Variants in DIP2A observed in about 807,000 individuals in gnomAD.
The protein encoded by DIP2A is DIP2 acetate--CoA ligase A, also known as disco-interacting protein 2 homolog A.
In DIP2A, 85 loss-of-function variants were observed where a neutral mutation model predicts 177.4. The ratio of observed to expected loss-of-function variants is 0.48; its 90% CI spans 0.40 to 0.57. The LOEUF (loss-of-function observed/expected upper bound fraction) is 0.57. Ranked by LOEUF, DIP2A falls within the 20% of genes least tolerant of loss-of-function variation. DIP2A has a pLI of 0.00. For missense variants in DIP2A, 1,791 were observed against 2,100.2 expected (o/e 0.85, Z 2.88); for synonymous variants, 886 against 881.8 (o/e 1.00, Z -0.08).
At chr21:46,577,774 GT>G in the DIP2A span, among the ~76,000 whole-genome samples, 1 of 152,186 alleles carries the variant, frequency 6.6e-6, no homozygotes, top group African/African-American at 2.4e-5. Context: ...AGCATGGAAT[GT>G]TTTTCCATTT....
At chr21:46,478,942 C>T (rs9977528) in intron 1 of DIP2A, among the ~76,000 whole-genome samples, 24,224 of 152,090 alleles carry the variant, frequency 0.16, 2,180 homozygotes, top group African/African-American at 0.21. Flanking sequence ...CATTTGTGAC[C>T]ACAAAGGGCT....
chr21:46,500,736 C>T (rs2057603362), intron 5 of DIP2A, among the ~76,000 whole-genome samples: 1 of 152,248 alleles, frequency 6.6e-6, no homozygotes. Flanking sequence ...CAGCCCTCAA[C>T]TTTCCAGTGA....
rs779288780 is a variant in DIP2A at position 46,556,038 on chromosome 21, C to G, written c.3445C>G (p.Leu1149Val). Residue 1149 changes from leucine (L) to valine (V), a missense_variant, in exon 29 of 38, where the codon CTC becomes GTC. Leu to Val is a conservative substitution (Grantham distance 32). Transcript: ENST00000417564. The surrounding 1 kb of genome is among the most constrained non-coding windows in gnomAD (Gnocchi z 4.5). ...SVFRPPSPDV[L>V]AYLDFSVSTT... ...TTTCAGGCCCCCCTCCCCCGATGTC[C>G]TCGCATACTTGGACTTCAGCGTGTC... The G allele has an allele frequency of 3.1e-6, 5 of 1,614,012 alleles. No homozygotes were observed. The highest frequency in any genetic ancestry group is 4.2e-6 in the Non-Finnish European group (5 of 1,179,890).
chr21:46,481,368 A>G (rs527610255), intron 1 of DIP2A, among the ~76,000 whole-genome samples: 3 of 152,314 alleles, frequency 2.0e-5, no homozygotes, highest in African/African-American at 7.2e-5. Flanking sequence ...TTCACTTGAC[A>G]TCTGGGTTGT....
In DIP2A at chr21:46,547,053, G is replaced by A; in HGVS notation, c.2522+11G>A. 1 of 1,611,912 alleles carries A rather than the reference G, an allele frequency of 6.2e-7. No homozygotes were observed. Among genetic ancestry groups the A allele is most frequent in the Non-Finnish European group, 8.5e-7 (1 of 1,178,164 alleles). The stretch of plus-strand genomic sequence containing the variant: ...TGTCTACAGAGGCAGGTGATGCGCT[G>A]CGGACCCCCACGCCGGGAGTAGATT... On this transcript the variant is annotated intron_variant, in intron 21 of 37. Coordinates refer to ENST00000417564, the MANE Select transcript of DIP2A (RefSeq NM_015151.4).
intron 2 of DIP2A, among the ~76,000 whole-genome samples, chr21:46,485,928 G>A (rs113676887): frequency 2.0e-5 from 3 of 151,660 alleles, no homozygotes; most frequent in Admixed American, 2.0e-4. Context: ...AAAATTCGCC[G>A]GGCATGGTGG....
At chr21:46,484,911 AT>A in intron 2 of DIP2A, 83 bp downstream of exon 2, 3 of 1,362,294 alleles carry the variant, frequency 2.2e-6, no homozygotes, top group Non-Finnish European at 2.9e-6. Flanking sequence ...AGAGTTTAAC[AT>A]TTGTTAGCAA....
At chr21:46,554,757 G>GC in intron 27 of DIP2A, 61 bp downstream of exon 27, 1 of 1,545,242 alleles carries the variant, frequency 6.5e-7, no homozygotes, top group Non-Finnish European at 8.7e-7. Flanking sequence ...GCTGCCCTCC[G>GC]CTGCCCCCTT....
intron 1 of DIP2A, 62 bp downstream of exon 1, chr21:46,459,284 C>T (rs1306721441): frequency 2.1e-6 from 3 of 1,405,598 alleles, no homozygotes; most frequent in Non-Finnish European, 1.9e-6. Context: ...CCGCGCAGCC[C>T]CTCACTCCGG....
chr21:46,518,352 C>G (rs912656458), intron 8 of DIP2A, among the ~76,000 whole-genome samples: 6 of 152,152 alleles, frequency 3.9e-5, no homozygotes, highest in Admixed American at 1.3e-4. Context: ...CACCCTTGGC[C>G]CATCAGTGTG....
chr21:46,490,198 A>G (rs1361351480), intron 2 of DIP2A, among the ~76,000 whole-genome samples: 6 of 152,170 alleles, frequency 3.9e-5, no homozygotes, highest in South Asian at 4.1e-4. Flanking sequence ...GGGTTTACCG[A>G]CACTGTAGAA....
intron 8 of DIP2A, among the ~76,000 whole-genome samples, chr21:46,516,961 A>G (rs1187011773): frequency 6.6e-6 from 1 of 151,628 alleles, no homozygotes; most frequent in Non-Finnish European, 1.5e-5. Context: ...CCTTGAATAC[A>G]CACATTAATT....
intron 8 of DIP2A, among the ~76,000 whole-genome samples, chr21:46,519,610 C>T (rs1488558900): frequency 2.6e-5 from 4 of 152,108 alleles, no homozygotes; most frequent in East Asian, 1.9e-4. Context: ...CCATTCATAA[C>T]GCCAAGAAAA....
At chr21:46,534,440 C>T (rs2148773143) in intron 12 of DIP2A, 145 bp from the exon 13 acceptor site, 3 of 796,040 alleles carry the variant, frequency 3.8e-6, no homozygotes, top group Admixed American at 2.5e-5. Context: ...AGGGTTTTGC[C>T]ATGTACCTGG....
rs751777049 is a variant in DIP2A at position 46,554,632 on chromosome 21, C to A, written c.3212C>A (p.Thr1071Asn). The change falls in exon 27 of 38, where the codon ACC becomes AAC. Residue 1071 changes from threonine (T) to asparagine (N), a missense_variant. Physicochemically the swap from Thr to Asn is moderately conservative, Grantham distance 65. Transcript: ENST00000417564. ...GCLYCGCVPVTVRPPHPQNLG... is the reference protein window; with the variant it reads ...GCLYCGCVPVNVRPPHPQNLG... ...TTGTACTGTGGCTGCGTGCCTGTCA[C>A]CGTGCGGCCCCCGCACCCTCAGAAC... 1.9e-6 allele frequency: 3 copies of A among 1,602,654 alleles called. No homozygotes were observed. In the South Asian group the frequency reaches 3.4e-5, roughly 18 times the overall value.
Position 46,522,385 on chromosome 21 carries a change from A to G in DIP2A, c.1103-6707A>G, listed in dbSNP as rs544697888. ...TGGCTTCAGGGTGGAGCTCTTTGCT[A>G]AACAGGGCTAGGGAAACATGCAGTT... is the stretch of plus-strand genomic sequence containing the variant. On this transcript the variant is annotated intron_variant, in intron 8 of 37. Transcript: ENST00000417564. Among the ~76,000 whole-genome samples, 7 of 152,344 alleles carry G rather than the reference A, an allele frequency of 4.6e-5. No individual in the cohort carries two copies. The South Asian group carries it at 1.2e-3, about 27-fold the overall frequency.
At chr21:46,528,645 G>C (rs1468071743) in intron 8 of DIP2A, among the ~76,000 whole-genome samples, 2 of 142,000 alleles carry the variant, frequency 1.4e-5, no homozygotes, top group Non-Finnish European at 3.0e-5. Context: ...TCATGCTTCA[G>C]CCTCCCGAGC....
chr21:46,537,293 GTGT>G lies in DIP2A; in HGVS notation c.1707+10_1707+12del. The G allele has an allele frequency of 6.2e-7, 1 of 1,614,032 alleles. No homozygotes were observed. The highest frequency in any genetic ancestry group is 8.5e-7 in the Non-Finnish European group (1 of 1,179,892). On this transcript the variant is annotated splice_donor_region_variant and intron_variant, in intron 14 of 37. Coordinates refer to ENST00000417564, the MANE Select transcript of DIP2A (RefSeq NM_015151.4). The surrounding 1 kb of genome is among the most constrained non-coding windows in gnomAD (Gnocchi z 4.1). Reference sequence around the variant, plus strand: ...CTGTGGCATGGCGTGTTAACAGTGAGTGTTGTTTGCTGATGACTAACTGTTGGA... The same window carrying G: ...CTGTGGCATGGCGTGTTAACAGTGAGTGTTTGCTGATGACTAACTGTTGGA...
In DIP2A at chr21:46,558,176, A is replaced by G. The variant is rs2060534915; in HGVS notation, c.3799-47A>G. The G allele has an allele frequency of 1.9e-6, 3 of 1,560,320 alleles. No individual in the cohort carries two copies. The African/African-American group carries it at 4.1e-5, about 21-fold the overall frequency. On this transcript the variant is annotated intron_variant, in intron 31 of 37. Coordinates refer to ENST00000417564, the MANE Select transcript of DIP2A (RefSeq NM_015151.4). ...CCAAAACAGTGCCCAGGGCCCTGGC[A>G]ACTCACTGAGCTGTGGCCGTGGCCT... is the stretch of plus-strand genomic sequence containing the variant.
Sources: gnomAD v4.1 joint callset for allele counts (sites outside exome capture counted in the v4.1 genomes callset) on GRCh38, gnomAD v4.1.1 for gene constraint, Gnocchi (gnomAD v3.1) non-coding constraint, MANE v1.5 for transcripts, NCBI Gene and HGNC (gene_info 2026-07-23, HGNC 2026-07-21) for gene names.